The following STK32C variants were observed in gnomAD, a reference collection of about 807,000 sequenced individuals.
The protein encoded by STK32C is serine/threonine kinase 32C, also known as serine/threonine-protein kinase 32C.
Under a neutral mutation model 56.5 loss-of-function variants are expected in STK32C, and 31 were observed. The ratio of observed to expected loss-of-function variants is 0.55; its 90% CI spans 0.41 to 0.74. STK32C has a LOEUF of 0.74. Among genes scored for constraint, STK32C ranks in the 30% least tolerant of loss-of-function variants. STK32C has a pLI of 0.00. For missense variants in STK32C, 544 were observed against 676.9 expected (o/e 0.80, Z 2.18); for synonymous variants, 309 against 289.4 (o/e 1.07, Z -0.69).
At chr10:132,302,179 TG>T (rs1452601232) in intron 1 of STK32C, among the ~76,000 whole-genome samples, 1 of 152,232 alleles carries the variant, frequency 6.6e-6, no homozygotes, top group African/African-American at 2.4e-5. Flanking sequence ...GGAGTGTCTC[TG>T]GGCTTCACCC....
At chr10:132,307,952 G>C, upstream of STK32C, 2 of 1,047,180 alleles carry the variant, frequency 1.9e-6, no homozygotes, top group African/African-American at 3.5e-5. This position sits in a 1 kb window ranked among gnomAD's most constrained non-coding sequence, Gnocchi z 4.4. Flanking sequence ...CGCTCTTCTG[G>C]GCGGTGGAAC....
In STK32C at chr10:132,302,074, G is replaced by T. The variant is rs570322260; in HGVS notation, c.262+5498C>A. 3.4e-3 allele frequency among the ~76,000 whole-genome samples: 522 copies of T among 152,356 alleles called. 1 individual carries two copies. Among genetic ancestry groups the T allele is most frequent in the Non-Finnish European group, 6.2e-3 (423 of 68,030 alleles). On this transcript the variant is annotated intron_variant, in intron 1 of 11. Coordinates refer to ENST00000298630, the MANE Select transcript of STK32C (RefSeq NM_173575.4). ...GCATTTTCACAAGTCCTGGGTGACTGGGGGTCCGGGACAGGCAGGAAAGCT... is the reference window on the plus strand; with the variant it reads ...GCATTTTCACAAGTCCTGGGTGACTTGGGGTCCGGGACAGGCAGGAAAGCT...
chr10:132,325,213 T>A (rs551174384), intron 1 of STK32C, among the ~76,000 whole-genome samples: 7 of 152,204 alleles, frequency 4.6e-5, no homozygotes, highest in African/African-American at 1.7e-4. Context: ...CCCATGTTGT[T>A]CTCATGATAG....
chr10:132,257,936 G>A (rs1294608443), intron 1 of STK32C, among the ~76,000 whole-genome samples: 1 of 152,200 alleles, frequency 6.6e-6, no homozygotes, highest in Non-Finnish European at 1.5e-5. Context: ...CACAGGCCCT[G>A]ACATGGGCTG....
chr10:132,246,088 C>A (rs978074254), intron 1 of STK32C, 133 bp from the exon 2 acceptor site: 9 of 882,812 alleles, frequency 1.0e-5, no homozygotes. Flanking sequence ...CGCCGTGGGG[C>A]GGGCCAAACT....
chr10:132,228,989 C>T (rs757796472), intron 2 of STK32C, among the ~76,000 whole-genome samples: 3 of 152,202 alleles, frequency 2.0e-5, no homozygotes, highest in Admixed American at 6.5e-5. Context: ...ACACTGATGC[C>T]GCAAACACAC....
intron 10 of STK32C, among the ~76,000 whole-genome samples, chr10:132,213,078 G>A (rs1378980662): frequency 6.6e-6 from 1 of 152,234 alleles, no homozygotes; most frequent in Non-Finnish European, 1.5e-5. Context: ...TGAAGCCAAG[G>A]ATGATCCCTT....
chr10:132,224,967 C>T (rs1015598809), intron 7 of STK32C, among the ~76,000 whole-genome samples: 3 of 152,330 alleles, frequency 2.0e-5, no homozygotes, highest in African/African-American at 7.2e-5. Flanking sequence ...CCCCTGCTGG[C>T]CAGTTCTCAG....
chr10:132,243,205 T>C (rs2063566030), intron 2 of STK32C, among the ~76,000 whole-genome samples: 1 of 152,238 alleles, frequency 6.6e-6, no homozygotes, highest in Admixed American at 6.5e-5. Flanking sequence ...CCTGGGATCA[T>C]GGCCCTCAGC....
chr10:132,283,067 G>T (rs1291095067), intron 1 of STK32C, among the ~76,000 whole-genome samples: 1 of 152,244 alleles, frequency 6.6e-6, no homozygotes. Flanking sequence ...CAACCCGGGG[G>T]CAGCAGAGAA....
At chr10:132,286,300 A>T (rs2065403646) in intron 1 of STK32C, among the ~76,000 whole-genome samples, 1 of 152,224 alleles carries the variant, frequency 6.6e-6, no homozygotes. Context: ...TAAAATCTTC[A>T]CACAAAGAAA....
chr10:132,229,799 G>C (rs969216762), intron 2 of STK32C, among the ~76,000 whole-genome samples: 2 of 152,222 alleles, frequency 1.3e-5, no homozygotes, highest in South Asian at 2.1e-4. Flanking sequence ...ACAGAGCACC[G>C]GGCTGGCCCA....
At chr10:132,232,407 A>C (rs1310690245) in intron 2 of STK32C, among the ~76,000 whole-genome samples, 2 of 152,076 alleles carry the variant, frequency 1.3e-5, no homozygotes, top group Non-Finnish European at 2.9e-5. Context: ...GGCTCCAACG[A>C]GCGGTGGCGT....
At chr10:132,225,122 G>T in intron 7 of STK32C, 111 bp downstream of exon 7, 1 of 777,726 alleles carries the variant, frequency 1.3e-6, no homozygotes. Flanking sequence ...AGACACAGTG[G>T]AGACATCCCT....
intron 10 of STK32C, among the ~76,000 whole-genome samples, chr10:132,215,523 T>G (rs899588708): frequency 6.6e-6 from 1 of 152,088 alleles, no homozygotes; most frequent in Non-Finnish European, 1.5e-5. Flanking sequence ...GCACAAGCTC[T>G]CTCTGCCATC....
At chr10:132,210,430 T>C (rs1178007959) in intron 10 of STK32C, among the ~76,000 whole-genome samples, 1 of 152,236 alleles carries the variant, frequency 6.6e-6, no homozygotes, top group Non-Finnish European at 1.5e-5. Context: ...CTAATTTTTG[T>C]AGAGACGGGG....
Position 132,307,486 on chromosome 10 carries a change from G to C in STK32C, c.262+86C>G. ...CCGGGAAGCCGTCCCGGACACCGGG[G>C]GAACCCCTGCGGGAAAAAGCCGCCC... On this transcript the variant is annotated intron_variant, in intron 1 of 11. Coordinates refer to ENST00000298630, the MANE Select transcript of STK32C (RefSeq NM_173575.4). This position sits in a 1 kb window ranked among gnomAD's most constrained non-coding sequence, Gnocchi z 4.4. 6.4e-6 allele frequency: 9 copies of C among 1,413,140 alleles called. No homozygotes were observed. The highest frequency in any genetic ancestry group is 8.4e-6 in the Non-Finnish European group (9 of 1,071,710). The allele number at this position is 1,413,140 out of a possible 1,614,324, so 87.5% of individuals were successfully genotyped here.
chr10:132,325,354 C>T (rs892889811), intron 1 of STK32C, among the ~76,000 whole-genome samples: 4 of 152,092 alleles, frequency 2.6e-5, no homozygotes, highest in African/African-American at 4.8e-5. Flanking sequence ...AGATCAAGAC[C>T]GTCCTGGCTA....
intron 1 of STK32C, among the ~76,000 whole-genome samples, chr10:132,326,815 G>A (rs2138485960): frequency 6.6e-6 from 1 of 152,322 alleles, no homozygotes; most frequent in Non-Finnish European, 1.5e-5. Flanking sequence ...GTCTGAACTA[G>A]TTTCAGGTTT....
Sources: gnomAD v4.1 joint callset for allele counts (sites outside exome capture counted in the v4.1 genomes callset) on GRCh38, gnomAD v4.1.1 for gene constraint, Gnocchi (gnomAD v3.1) non-coding constraint, MANE v1.5 for transcripts, NCBI Gene and HGNC (gene_info 2026-07-23, HGNC 2026-07-21) for gene names.